The following TBX15 variants were observed in gnomAD, a reference collection of about 807,000 sequenced individuals.
The protein encoded by TBX15 is T-box transcription factor TBX15.
Under a neutral mutation model 53.9 loss-of-function variants are expected in TBX15, and 18 were observed. The ratio of observed to expected loss-of-function variants is 0.33; its 90% CI spans 0.23 to 0.49. The LOEUF is 0.49. Among genes scored for constraint, TBX15 ranks in the 20% least tolerant of loss-of-function variants. TBX15 has a pLI of 0.98. For synonymous variants in TBX15, 295 were observed against 278.0 expected (o/e 1.06, Z -0.61); for missense variants, 692 against 749.5 (o/e 0.92, Z 0.90).
intron 7 of TBX15, among the ~76,000 whole-genome samples, chr1:118,897,774 A>T (rs2101494864): frequency 6.6e-6 from 1 of 152,296 alleles, no homozygotes; most frequent in East Asian, 1.9e-4. Flanking sequence ...ACCTTGAATA[A>T]CTATTGACTC....
chr1:118,892,779 G>A (rs1654192030), intron 7 of TBX15, among the ~76,000 whole-genome samples: 1 of 152,134 alleles, frequency 6.6e-6, no homozygotes, highest in South Asian at 2.1e-4. Flanking sequence ...CATGAGAAAT[G>A]CTAATGTTAA....
At chr1:118,898,520 T>C (rs1373651063) in intron 7 of TBX15, among the ~76,000 whole-genome samples, 1 of 152,078 alleles carries the variant, frequency 6.6e-6, no homozygotes, top group Non-Finnish European at 1.5e-5. Flanking sequence ...AGGGGTGTTG[T>C]TTTATATAAG....
At chr1:118,932,654 C>T (rs188931189) in intron 1 of TBX15, among the ~76,000 whole-genome samples, 1 of 152,170 alleles carries the variant, frequency 6.6e-6, no homozygotes, top group East Asian at 1.9e-4. Flanking sequence ...GCATGCTGGT[C>T]CAGATGGTCC....
At chr1:118,924,871 G>C in intron 3 of TBX15, 54 bp from the exon 4 acceptor site, 1 of 1,603,424 alleles carries the variant, frequency 6.2e-7, no homozygotes, top group South Asian at 1.1e-5. Flanking sequence ...AGAAGGGACA[G>C]AGGCCCAGGA....
intron 1 of TBX15, among the ~76,000 whole-genome samples, chr1:118,975,291 C>A (rs1363619910): frequency 6.6e-6 from 1 of 152,094 alleles, no homozygotes; most frequent in Admixed American, 6.6e-5. Context: ...CACAAAAAGA[C>A]CTTTACTAGC....
chr1:118,977,770 A>G (rs1312320457), intron 1 of TBX15, among the ~76,000 whole-genome samples: 2 of 152,226 alleles, frequency 1.3e-5, no homozygotes, highest in Admixed American at 6.5e-5. Flanking sequence ...CTGTCTTCTG[A>G]TCTATCTTGT....
Position 118,885,117 on chromosome 1 carries a change from G to A in TBX15, c.1424C>T (p.Ser475Phe). ...YGGQLGSFPT[S>F]QFQYVMQAGN... is the part of the protein sequence containing the mutation. ...TGCCTGCATGACATACTGAAACTGG[G>A]AAGTGGGAAAGGACCCCAGCTGGCC... The change falls in exon 8 of 8, where the codon TCC becomes TTC. Residue 475 changes from serine (S) to phenylalanine (F), a missense_variant. This residue lies in a region of TBX15 where 375 missense variants were observed against 371.6 expected (regional missense o/e 1.01). Transcript: ENST00000369429. 6.2e-6 allele frequency: 10 copies of A among 1,614,212 alleles called. No homozygotes were observed. The highest frequency in any genetic ancestry group is 8.5e-6 in the Non-Finnish European group (10 of 1,180,042).
intron 1 of TBX15, among the ~76,000 whole-genome samples, chr1:118,945,687 C>T (rs368360463): frequency 6.6e-6 from 1 of 152,302 alleles, no homozygotes; most frequent in South Asian, 2.1e-4. Flanking sequence ...ATTTTCCCCC[C>T]CTACTGTTCA....
intron 7 of TBX15, among the ~76,000 whole-genome samples, chr1:118,891,664 A>G (rs1172012681): frequency 6.6e-6 from 1 of 152,228 alleles, no homozygotes; most frequent in Non-Finnish European, 1.5e-5. Context: ...GGAGAAAGGT[A>G]CATGCCTTTT....
chr1:118,910,249 G>C lies in TBX15; in HGVS notation c.926+3866C>G, dbSNP rs142378356. ...TGCAAAACCAAAAAACATTGGACAA[G>C]CACTTTCCCTCCTAATTTTTAAGCC... On this transcript the variant is annotated intron_variant, in intron 6 of 7. Coordinates refer to ENST00000369429, the MANE Select transcript of TBX15 (RefSeq NM_001330677.2). Among the ~76,000 whole-genome samples the C allele has an allele frequency of 3.3e-4, 51 of 152,258 alleles. 1 individual carries two copies. The highest frequency in any genetic ancestry group is 1.2e-3 in the African/African-American group (50 of 41,558).
intron 1 of TBX15, among the ~76,000 whole-genome samples, chr1:118,968,596 G>A (rs925568852): frequency 3.3e-5 from 5 of 152,124 alleles, no homozygotes; most frequent in East Asian, 1.9e-4. Context: ...TATATATTGC[G>A]AATATATGCA....
chr1:118,920,530 GA>G (rs1655391873), intron 5 of TBX15, among the ~76,000 whole-genome samples: 2 of 152,188 alleles, frequency 1.3e-5, no homozygotes, highest in Non-Finnish European at 2.9e-5. Context: ...ATTGAGCCTA[GA>G]AATGTAGTTG....
intron 7 of TBX15, among the ~76,000 whole-genome samples, chr1:118,894,714 C>G (rs573906722): frequency 6.6e-6 from 1 of 152,164 alleles, no homozygotes; most frequent in African/African-American, 2.4e-5. Context: ...TTCTCCTTCC[C>G]CATGGAGAGG....
Position 118,885,053 on chromosome 1 carries a change from G to A in TBX15, c.1488C>T (p.Phe496=), listed in dbSNP as rs200901909. ...AGCTCTGCTGCATGTGGCTGCCCCC[G>A]AACATGTGTGGTGATGAGGAGCTGG... The part of the protein sequence containing the change: ...AASSSSSPHM[F]GGSHMQQSSY... Residue 496 remains phenylalanine, a synonymous_variant, in exon 8 of 8, where the codon TTC becomes TTT. Transcript: ENST00000369429. The A allele has an allele frequency of 6.2e-6, 10 of 1,614,110 alleles. No individual in the cohort carries two copies. The highest frequency in any genetic ancestry group is 5.0e-5 in the Admixed American group (3 of 60,018).
intron 1 of TBX15, among the ~76,000 whole-genome samples, chr1:118,986,449 A>T (rs1363193639): frequency 6.6e-6 from 1 of 152,238 alleles, no homozygotes; most frequent in African/African-American, 2.4e-5. Flanking sequence ...CTATCTCTGC[A>T]GGTCACCCGC....
chr1:118,941,664 A>T (rs1189651036), intron 1 of TBX15, among the ~76,000 whole-genome samples: 1 of 152,202 alleles, frequency 6.6e-6, no homozygotes, highest in Non-Finnish European at 1.5e-5. Context: ...CTGGCAATGT[A>T]CGAGGTGTTA....
chr1:118,920,335 G>A (rs1379268438), intron 5 of TBX15, among the ~76,000 whole-genome samples: 2 of 152,124 alleles, frequency 1.3e-5, no homozygotes, highest in South Asian at 2.1e-4. Context: ...AAGTGGTAGG[G>A]AATGGTATTT....
intron 6 of TBX15, among the ~76,000 whole-genome samples, chr1:118,900,858 C>T (rs1471735396): frequency 6.6e-6 from 1 of 152,086 alleles, no homozygotes; most frequent in African/African-American, 2.4e-5. Flanking sequence ...ATGTTGGCCA[C>T]CCACCAGAAT....
chr1:118,945,758 C>T (rs1433782681), intron 1 of TBX15, among the ~76,000 whole-genome samples: 1 of 152,154 alleles, frequency 6.6e-6, no homozygotes, highest in Non-Finnish European at 1.5e-5. Flanking sequence ...TGGCTAATTC[C>T]AAGCCTCTAT....
Sources: gnomAD v4.1 joint callset for allele counts (sites outside exome capture counted in the v4.1 genomes callset) on GRCh38, gnomAD v4.1.1 for gene constraint, gnomAD v4.1.1 regional missense constraint, MANE v1.5 for transcripts, NCBI Gene and HGNC (gene_info 2026-07-23, HGNC 2026-07-21) for gene names.